Variants in LRP1B observed in about 807,000 individuals in gnomAD.
LRP1B encodes the protein low-density lipoprotein receptor-related protein 1B.
Under a neutral mutation model 556.6 loss-of-function variants are expected in LRP1B, and 217 were observed. The ratio of observed to expected loss-of-function variants is 0.39; its 90% CI spans 0.35 to 0.44. The LOEUF (loss-of-function observed/expected upper bound fraction) is 0.44. LRP1B is among the 20% of genes least tolerant of loss of function. The pLI, the probability that LRP1B is intolerant of heterozygous loss-of-function variation, is 1.00. For synonymous variants in LRP1B, 2,047 were observed against 1,865.8 expected (o/e 1.10, Z -2.50); for missense variants, 5,053 against 5,620.8 (o/e 0.90, Z 3.23).
At chr2:140,379,861 C>A (rs1162453445) in intron 67 of LRP1B, among the ~76,000 whole-genome samples, 1 of 152,064 alleles carries the variant, frequency 6.6e-6, no homozygotes, top group Non-Finnish European at 1.5e-5. Flanking sequence ...TGGGAAAATG[C>A]CCTTAAGTGG....
rs540014495 is a variant in LRP1B at position 141,911,045 on chromosome 2, T to C, written c.83-100644A>G. On this transcript the variant is annotated intron_variant, in intron 1 of 90. Coordinates refer to ENST00000389484, the MANE Select transcript of LRP1B (RefSeq NM_018557.3). ...ATATACACATGCAGTTCTGTATTTA[T>C]ACAGAACTAGGAACTGCTACTGCTG... Among the ~76,000 whole-genome samples, 65 of 152,100 alleles carry C rather than the reference T, an allele frequency of 4.3e-4. 1 individual carries two copies. The highest frequency in any genetic ancestry group is 7.6e-4 in the Non-Finnish European group (52 of 67,996).
At chr2:141,456,043 C>T (rs888395854) in intron 3 of LRP1B, among the ~76,000 whole-genome samples, 9 of 152,306 alleles carry the variant, frequency 5.9e-5, no homozygotes, top group African/African-American at 2.2e-4. Flanking sequence ...GGAAAGAAGA[C>T]ATGCAATTTT....
chr2:142,116,502 A>T (rs1400461008), intron 1 of LRP1B, among the ~76,000 whole-genome samples: 1 of 152,172 alleles, frequency 6.6e-6, no homozygotes, highest in East Asian at 1.9e-4. Flanking sequence ...AATTTAATGC[A>T]GTGAACATTG....
At chr2:140,248,382 CTA>C (rs1053777432) in intron 86 of LRP1B, among the ~76,000 whole-genome samples, 32 of 151,564 alleles carry the variant, frequency 2.1e-4, no homozygotes, top group African/African-American at 5.8e-4. Context: ...AAATTTAAAA[CTA>C]TGAATATGGA....
At chr2:141,272,685 A>G (rs1326737163) in intron 3 of LRP1B, among the ~76,000 whole-genome samples, 1 of 152,194 alleles carries the variant, frequency 6.6e-6, no homozygotes, top group African/African-American at 2.4e-5. Context: ...TTATTTGACA[A>G]AACAGACTTT....
intron 3 of LRP1B, among the ~76,000 whole-genome samples, chr2:141,395,302 T>TA (rs1201208922): frequency 6.6e-6 from 1 of 152,142 alleles, no homozygotes; most frequent in Non-Finnish European, 1.5e-5. Context: ...ACCATTTTTT[T>TA]ATCTGTTATA....
intron 66 of LRP1B, among the ~76,000 whole-genome samples, chr2:140,412,034 A>G (rs965228173): frequency 9.2e-5 from 14 of 152,100 alleles, no homozygotes; most frequent in African/African-American, 3.4e-4. Flanking sequence ...TTTGGTCCAC[A>G]TCTTTAGCTA....
At chr2:141,319,783 C>A (rs1687172188) in intron 3 of LRP1B, among the ~76,000 whole-genome samples, 1 of 151,938 alleles carries the variant, frequency 6.6e-6, no homozygotes, top group African/African-American at 2.4e-5. Flanking sequence ...TTTTATAGAG[C>A]AACATGTAAT....
At chr2:141,233,067 C>T (rs1683531035) in intron 5 of LRP1B, among the ~76,000 whole-genome samples, 1 of 152,168 alleles carries the variant, frequency 6.6e-6, no homozygotes, top group Admixed American at 6.5e-5. Flanking sequence ...ATAAGACTGA[C>T]CAGAATAAAT....
At chr2:140,923,760 T>C (rs1296271352) in intron 20 of LRP1B, among the ~76,000 whole-genome samples, 1 of 152,034 alleles carries the variant, frequency 6.6e-6, no homozygotes, top group Non-Finnish European at 1.5e-5. Context: ...ATTGAAATAC[T>C]AGACATTCAA....
intron 7 of LRP1B, among the ~76,000 whole-genome samples, chr2:141,069,140 C>A (rs1357900895): frequency 1.3e-5 from 2 of 151,988 alleles, no homozygotes; most frequent in African/African-American, 4.8e-5. Context: ...TGAACTCTGG[C>A]AAGTACAAAT....
intron 1 of LRP1B, among the ~76,000 whole-genome samples, chr2:141,973,292 A>C (rs188880899): frequency 6.6e-6 from 1 of 151,862 alleles, no homozygotes; most frequent in African/African-American, 2.4e-5. Context: ...AAAATAAAGA[A>C]ATTTTAGCCT....
chr2:141,190,018 A>T (rs2105197880), intron 6 of LRP1B, among the ~76,000 whole-genome samples: 1 of 152,126 alleles, frequency 6.6e-6, no homozygotes, highest in Admixed American at 6.6e-5. Context: ...CAGACCAGAA[A>T]GATTAAGTCA....
In LRP1B at chr2:140,495,751, G is replaced by T; in HGVS notation, c.8851-3C>A. On this transcript the variant is annotated splice_polypyrimidine_tract_variant and splice_region_variant and intron_variant, in intron 55 of 90. Transcript: ENST00000389484. Reference sequence around the variant, plus strand: ...TGGAATCCAGGCCAGCATTTGCACTGGGAAAAGAAAAATGAGCATAATCAA... The same window carrying T: ...TGGAATCCAGGCCAGCATTTGCACTTGGAAAAGAAAAATGAGCATAATCAA... 2 of 1,597,022 alleles carry T rather than the reference G, an allele frequency of 1.3e-6. No individual in the cohort carries two copies. Among genetic ancestry groups the T allele is most frequent in the South Asian group, 1.1e-5 (1 of 90,574 alleles).
chr2:140,921,033 C>T (rs1396517126), intron 21 of LRP1B, among the ~76,000 whole-genome samples: 1 of 151,938 alleles, frequency 6.6e-6, no homozygotes, highest in African/African-American at 2.4e-5. Context: ...AATATCAATA[C>T]ACATTTTAAA....
chr2:141,593,895 T>A (rs933857581), intron 2 of LRP1B, among the ~76,000 whole-genome samples: 1 of 152,122 alleles, frequency 6.6e-6, no homozygotes, highest in Non-Finnish European at 1.5e-5. Flanking sequence ...TCATCAGCTG[T>A]CATTAGCTTG....
intron 84 of LRP1B, among the ~76,000 whole-genome samples, chr2:140,286,111 T>A (rs981497590): frequency 3.4e-4 from 51 of 152,038 alleles, no homozygotes; most frequent in African/African-American, 1.2e-3. Flanking sequence ...CCTCAGTGGC[T>A]GGCACACAGT....
intron 6 of LRP1B, among the ~76,000 whole-genome samples, chr2:141,204,221 T>C (rs1033732288): frequency 1.3e-5 from 2 of 152,204 alleles, no homozygotes; most frequent in Non-Finnish European, 2.9e-5. Flanking sequence ...GAGACATAAA[T>C]TATAAAAATC....
At chr2:141,633,369 T>G (rs12479134) in intron 2 of LRP1B, among the ~76,000 whole-genome samples, 6 of 151,738 alleles carry the variant, frequency 4.0e-5, no homozygotes, top group African/African-American at 1.5e-4. Context: ...GGAATTAAGG[T>G]CATCACACCC....
Sources: allele counts gnomAD v4.1 joint callset (sites outside exome capture counted in the v4.1 genomes callset), GRCh38; gene constraint gnomAD v4.1.1; transcripts MANE v1.5; gene names NCBI Gene and HGNC (gene_info 2026-07-23, HGNC 2026-07-21).